MIS18A: variants seen among roughly 807,000 people sequenced by gnomAD.
MIS18A encodes MIS18 kinetochore protein A, also known as protein Mis18-alpha.
MIS18A carries 14 observed loss-of-function variants against 25.0 expected under a neutral mutation model. The observed-to-expected ratio is 0.56, with a 90% CI of 0.37 to 0.88. The LOEUF is 0.88. Among genes scored for constraint, MIS18A ranks in the 40% least tolerant of loss-of-function variants. MIS18A has a pLI of 0.00. For synonymous variants in MIS18A, 134 were observed against 118.6 expected (o/e 1.13, Z -0.84); for missense variants, 292 against 290.8 (o/e 1.00, Z -0.03).
chr21:32,190,592 A>G, the MIS18A span, among the ~76,000 whole-genome samples: 3 of 152,104 alleles, frequency 2.0e-5, no homozygotes, highest in Non-Finnish European at 4.4e-5. Context: ...AAACCCACAT[A>G]TGTTTAATTT....
chr21:32,250,653 T>TA, the MIS18A span, among the ~76,000 whole-genome samples: 80 of 152,324 alleles, frequency 5.3e-4, 2 homozygotes, highest in South Asian at 0.016. Flanking sequence ...CAGATGTGTG[T>TA]AAAATCTCAT....
At chr21:32,256,130 T>G in the MIS18A span, among the ~76,000 whole-genome samples, 1 of 152,200 alleles carries the variant, frequency 6.6e-6, no homozygotes, top group Non-Finnish European at 1.5e-5. Flanking sequence ...TCTACTATGT[T>G]GGGATTGTTC....
At chr21:32,163,293 C>T in the MIS18A span, among the ~76,000 whole-genome samples, 4 of 152,300 alleles carry the variant, frequency 2.6e-5, no homozygotes, top group South Asian at 4.1e-4. Flanking sequence ...GCTACAGATA[C>T]ATTTACAAGC....
At chr21:32,263,775 G>A (rs1166603527), downstream of MIS18A, among the ~76,000 whole-genome samples, 1 of 150,350 alleles carries the variant, frequency 6.7e-6, no homozygotes, top group Non-Finnish European at 1.5e-5. Flanking sequence ...ACAGCAATAT[G>A]CTGCAAACCC....
rs908412094 is a variant in MIS18A, at chr21:32,270,679, G to C, written c.402-150C>G. The stretch of plus-strand genomic sequence containing the variant: ...ACATAAAGGATAGGAAAAAATGATA[G>C]TAAGATATTTACAATAAAAATGTAA... On this transcript the variant is annotated intron_variant, in intron 2 of 4. Transcript: ENST00000290130. 2.5e-5 allele frequency: 19 copies of C among 747,512 alleles called. No individual in the cohort carries two copies. The East Asian group carries it at 5.5e-4, about 21-fold the overall frequency. 46.3% of individuals were successfully genotyped at this position (747,512 alleles called of 1,614,324 possible).
the MIS18A span, among the ~76,000 whole-genome samples, chr21:32,168,225 C>T: frequency 2.6e-5 from 4 of 152,150 alleles, no homozygotes; most frequent in Admixed American, 2.0e-4. Flanking sequence ...ACTTGCTGGC[C>T]TTCAGAACTA....
chr21:32,234,372 T>C, the MIS18A span, among the ~76,000 whole-genome samples: 1 of 152,162 alleles, frequency 6.6e-6, no homozygotes, highest in Admixed American at 6.5e-5. Flanking sequence ...GCTCCCTCAA[T>C]GTGCTTCCCA....
the MIS18A span, among the ~76,000 whole-genome samples, chr21:32,224,511 G>A: frequency 2.0e-5 from 3 of 148,870 alleles, no homozygotes; most frequent in East Asian, 5.9e-4. Context: ...CAAATCATGA[G>A]TGAACTCCCA....
At chr21:32,170,645 A>C in the MIS18A span, among the ~76,000 whole-genome samples, 2 of 152,110 alleles carry the variant, frequency 1.3e-5, no homozygotes, top group African/African-American at 4.8e-5. Context: ...TTGTAGGACA[A>C]CATCAAGCCT....
the MIS18A span, among the ~76,000 whole-genome samples, chr21:32,205,095 T>C: frequency 7.9e-6 from 1 of 126,156 alleles, no homozygotes; most frequent in Non-Finnish European, 1.7e-5. Context: ...TAAGAACTTG[T>C]CCTTTTTTTT....
chr21:32,254,098 G>A, the MIS18A span, among the ~76,000 whole-genome samples: 1 of 152,166 alleles, frequency 6.6e-6, no homozygotes, highest in African/African-American at 2.4e-5. Flanking sequence ...GAGTGTGGTG[G>A]TGTGTGCCTG....
the MIS18A span, among the ~76,000 whole-genome samples, chr21:32,155,695 G>A: frequency 1.3e-5 from 2 of 152,168 alleles, no homozygotes; most frequent in African/African-American, 4.8e-5. Context: ...TTGAAATGTA[G>A]TATTAAGTGT....
chr21:32,211,833 C>G, the MIS18A span, among the ~76,000 whole-genome samples: 2 of 152,186 alleles, frequency 1.3e-5, no homozygotes, highest in Non-Finnish European at 2.9e-5. Context: ...GCCCAAATTA[C>G]ATAATTTTGT....
At chr21:32,198,812 T>C in the MIS18A span, among the ~76,000 whole-genome samples, 11 of 152,166 alleles carry the variant, frequency 7.2e-5, no homozygotes, top group Admixed American at 7.2e-4. Flanking sequence ...AAGGTGGCTT[T>C]AGTCCATATG....
At chr21:32,168,450 A>C in the MIS18A span, among the ~76,000 whole-genome samples, 1 of 152,222 alleles carries the variant, frequency 6.6e-6, no homozygotes, top group East Asian at 1.9e-4. Context: ...AAATGGACTT[A>C]TTTAGACAGA....
At chr21:32,218,860 T>G in the MIS18A span, among the ~76,000 whole-genome samples, 1 of 150,766 alleles carries the variant, frequency 6.6e-6, no homozygotes, top group Non-Finnish European at 1.5e-5. Flanking sequence ...ATGTCAGGAG[T>G]TCAAGACCAG....
At chr21:32,216,708 CT>C in the MIS18A span, among the ~76,000 whole-genome samples, 1 of 152,306 alleles carries the variant, frequency 6.6e-6, no homozygotes, top group Non-Finnish European at 1.5e-5. Context: ...GGCTGGCTGA[CT>C]TTGAAGCTCT....
the MIS18A span, among the ~76,000 whole-genome samples, chr21:32,253,805 C>T: frequency 3.3e-5 from 5 of 152,166 alleles, no homozygotes; most frequent in Admixed American, 1.3e-4. Context: ...AGCACCACAG[C>T]TTCCAAATTA....
the MIS18A span, among the ~76,000 whole-genome samples, chr21:32,218,501 A>G: frequency 6.6e-6 from 1 of 152,182 alleles, no homozygotes; most frequent in African/African-American, 2.4e-5. Flanking sequence ...TAAATATGCA[A>G]TTTGGATAAT....
Sources: gnomAD v4.1 joint callset for allele counts (sites outside exome capture counted in the v4.1 genomes callset) on GRCh38, gnomAD v4.1.1 for gene constraint, MANE v1.5 for transcripts, NCBI Gene and HGNC (gene_info 2026-07-23, HGNC 2026-07-21) for gene names.